FBXO34: variants seen among roughly 807,000 people sequenced by gnomAD.
The protein encoded by FBXO34 is F-box protein 34.
FBXO34 carries 12 observed loss-of-function variants against 24.5 expected under a neutral mutation model. The observed-to-expected ratio is 0.49, with a 90% CI of 0.31 to 0.79. The LOEUF is 0.79. Ranked by LOEUF, FBXO34 falls within the 30% of genes least tolerant of loss-of-function variation. The pLI is 0.04. For missense variants in FBXO34, 823 were observed against 857.7 expected (o/e 0.96, Z 0.51); for synonymous variants, 320 against 311.9 (o/e 1.03, Z -0.27).
chr14:55,307,643 A>G (rs1281192641), intron 1 of FBXO34, among the ~76,000 whole-genome samples: 1 of 152,250 alleles, frequency 6.6e-6, no homozygotes, highest in African/African-American at 2.4e-5. Context: ...ACCTACTGAC[A>G]TGAGCAAAGG....
At chr14:55,398,326 TTTTTG>T in the FBXO34 span, among the ~76,000 whole-genome samples, 1 of 152,186 alleles carries the variant, frequency 6.6e-6, no homozygotes. Flanking sequence ...TTTGTTTTTG[TTTTTG>T]TTTTCTTTTT....
At chr14:55,415,444 C>T in the FBXO34 span, among the ~76,000 whole-genome samples, 4 of 152,176 alleles carry the variant, frequency 2.6e-5, no homozygotes, top group Admixed American at 2.0e-4. Flanking sequence ...CAATTTCACG[C>T]CTTGGTAAAT....
At chr14:55,354,999 C>T (rs1423415001), downstream of FBXO34, 1 of 152,254 alleles carries the variant, frequency 6.6e-6, no homozygotes, top group Non-Finnish European at 1.5e-5. Flanking sequence ...CCTCCCCCCT[C>T]AGCTTTTCTT....
chr14:55,277,116 C>T (rs1881370027), intron 1 of FBXO34, among the ~76,000 whole-genome samples: 1 of 152,228 alleles, frequency 6.6e-6, no homozygotes, highest in Admixed American at 6.5e-5. Flanking sequence ...AGAACATTTT[C>T]ATCACCACAA....
downstream of FBXO34, chr14:55,366,867 A>G (rs1474843801): frequency 6.6e-6 from 1 of 152,644 alleles, no homozygotes; most frequent in East Asian, 1.9e-4. Context: ...ATGAGCAGCA[A>G]AAAGAGTAGA....
At chr14:55,378,939 C>T in the FBXO34 span, among the ~76,000 whole-genome samples, 1 of 152,034 alleles carries the variant, frequency 6.6e-6, no homozygotes, top group Non-Finnish European at 1.5e-5. Context: ...AACTCCTGAG[C>T]TCAAGTGATC....
Position 55,322,642 on chromosome 14 carries a change from A to G in FBXO34, c.-10-27739A>G, listed in dbSNP as rs891988539. 2.0e-5 allele frequency among the ~76,000 whole-genome samples: 3 copies of G among 152,106 alleles called. 1 individual carries two copies. The highest frequency in any genetic ancestry group is 1.3e-4 in the Admixed American group (2 of 15,272). ...TGAGCCACCATGCCTGGCCAGTGTC[A>G]TGGAAATTAACCTTTTGTGCATATT... On this transcript the variant is annotated intron_variant, in intron 1 of 1. Transcript: ENST00000313833.
chr14:55,400,152 C>G, the FBXO34 span, among the ~76,000 whole-genome samples: 1 of 152,146 alleles, frequency 6.6e-6, no homozygotes, highest in Non-Finnish European at 1.5e-5. Flanking sequence ...GCTGCAACTG[C>G]TCACTCAGTC....
chr14:55,331,721 A>G lies in FBXO34; in HGVS notation c.-10-18660A>G, dbSNP rs1290349342. On this transcript the variant is annotated intron_variant, in intron 1 of 1. Transcript: ENST00000313833. ...TATATATATGTATATATATATGTAT[A>G]TATATATGTATATATATATGTGTGT... Among the ~76,000 whole-genome samples, 116 of 43,176 alleles carry G rather than the reference A, an allele frequency of 2.7e-3. 11 individuals carry two copies. Among genetic ancestry groups the G allele is most frequent in the African/African-American group, 0.018 (89 of 5,004 alleles). 28.3% of individuals were successfully genotyped at this position (43,176 alleles called of 152,430 possible). A position where few individuals can be genotyped will look rare whatever the true frequency, so the allele number is the denominator to read the frequency against.
chr14:55,289,856 C>T (rs1172021891), intron 1 of FBXO34, among the ~76,000 whole-genome samples: 3 of 149,802 alleles, frequency 2.0e-5, no homozygotes, highest in African/African-American at 7.4e-5. Context: ...CACTGTCTAC[C>T]TTTAAAAAAA....
At chr14:55,331,602 A>G (rs1883536987) in intron 1 of FBXO34, among the ~76,000 whole-genome samples, 1 of 141,244 alleles carries the variant, frequency 7.1e-6, no homozygotes. Context: ...GTATATATAT[A>G]AAAAAATATA....
chr14:55,362,491 G>A (rs1449306731), downstream of FBXO34, among the ~76,000 whole-genome samples: 3 of 152,094 alleles, frequency 2.0e-5, no homozygotes, highest in Admixed American at 6.6e-5. Flanking sequence ...AAAAACCCAC[G>A]GAGAGGTGTG....
intron 1 of FBXO34, among the ~76,000 whole-genome samples, chr14:55,283,268 G>C (rs1217748644): frequency 1.5e-5 from 2 of 130,524 alleles, no homozygotes; most frequent in African/African-American, 5.5e-5. Flanking sequence ...TGATTAGATT[G>C]ATAAAAAGCT....
chr14:55,348,230 T>C (rs1331154858), intron 1 of FBXO34, among the ~76,000 whole-genome samples: 2 of 152,126 alleles, frequency 1.3e-5, no homozygotes, highest in African/African-American at 2.4e-5. Flanking sequence ...TGGGTTTTTT[T>C]GTTGTTGTTG....
the FBXO34 span, chr14:55,440,468 TG>T: frequency 5.7e-6 from 9 of 1,570,976 alleles, no homozygotes; most frequent in East Asian, 1.8e-4. Flanking sequence ...ATCCCACTGT[TG>T]GGGGTGGGGG....
At chr14:55,428,892 TA>T in the FBXO34 span, 4 of 1,614,194 alleles carry the variant, frequency 2.5e-6, no homozygotes, top group Non-Finnish European at 2.5e-6. Context: ...TTCTGAATTT[TA>T]AAATCGAGGA....
the FBXO34 span, among the ~76,000 whole-genome samples, chr14:55,380,875 A>ATATATATTTTT: frequency 2.7e-5 from 3 of 112,732 alleles, no homozygotes; most frequent in African/African-American, 1.1e-4. Context: ...ATATATATAT[A>ATATATATTTTT]TTTTTTTTTT....
At chr14:55,361,130 C>T (rs749472898) in intron 3 of FBXO34, among the ~76,000 whole-genome samples, 5 of 152,220 alleles carry the variant, frequency 3.3e-5, no homozygotes, top group Non-Finnish European at 5.9e-5. Context: ...GAATCACTAT[C>T]CATAGCAGCT....
intron 1 of FBXO34, among the ~76,000 whole-genome samples, chr14:55,290,900 A>G (rs751456561): frequency 1.3e-5 from 2 of 152,136 alleles, no homozygotes; most frequent in Non-Finnish European, 2.9e-5. Context: ...GCTCACTGCA[A>G]CTTCTGCCTC....
Sources: allele counts gnomAD v4.1 joint callset (sites outside exome capture counted in the v4.1 genomes callset), GRCh38; gene constraint gnomAD v4.1.1; transcripts MANE v1.5; gene names NCBI Gene and HGNC (gene_info 2026-07-23, HGNC 2026-07-21).